The following CSMD1 variants were observed in gnomAD, a reference collection of about 807,000 sequenced individuals.
CSMD1 encodes CUB and Sushi multiple domains 1, also known as CUB and sushi domain-containing protein 1.
CSMD1 carries 213 observed loss-of-function variants against 417.5 expected under a neutral mutation model. That is an observed-to-expected ratio of 0.51 (90% CI 0.46 to 0.57). The LOEUF (loss-of-function observed/expected upper bound fraction) is 0.57, where lower values mean the gene tolerates loss of function less well. Ranked by LOEUF, CSMD1 falls within the 20% of genes least tolerant of loss-of-function variation. The pLI is 0.00. For synonymous variants in CSMD1, 2,862 were observed against 1,736.8 expected (o/e 1.65, Z -16.11); for missense variants, 6,923 against 4,529.7 (o/e 1.53, Z -15.17).
intron 2 of CSMD1, among the ~76,000 whole-genome samples, chr8:4,420,933 C>T (rs1451710910): frequency 6.6e-6 from 1 of 152,198 alleles, no homozygotes; most frequent in African/African-American, 2.4e-5. Flanking sequence ...TTTGGTTTAT[C>T]ACCTTTCTTA....
intron 17 of CSMD1, among the ~76,000 whole-genome samples, chr8:3,390,444 C>A (rs906661806): frequency 1.3e-5 from 2 of 149,200 alleles, no homozygotes; most frequent in African/African-American, 4.9e-5. Flanking sequence ...TAAGACCAGT[C>A]TGTGGACACA....
At chr8:3,298,565 T>A (rs1804143105) in intron 25 of CSMD1, among the ~76,000 whole-genome samples, 1 of 152,190 alleles carries the variant, frequency 6.6e-6, no homozygotes, top group African/African-American at 2.4e-5. Context: ...GCAATTCTTC[T>A]GCCTCAGCCT....
At chr8:4,984,333 C>A (rs1291125534) in intron 1 of CSMD1, among the ~76,000 whole-genome samples, 1 of 152,180 alleles carries the variant, frequency 6.6e-6, no homozygotes, top group African/African-American at 2.4e-5. Context: ...CAAGGCCTAA[C>A]ATAAGTTGCA....
intron 3 of CSMD1, among the ~76,000 whole-genome samples, chr8:4,276,434 T>C (rs530790396): frequency 3.3e-5 from 5 of 152,226 alleles, no homozygotes; most frequent in East Asian, 1.9e-4. Flanking sequence ...TGAGGACTCA[T>C]GGACGCTTGG....
intron 3 of CSMD1, among the ~76,000 whole-genome samples, chr8:4,302,818 C>T (rs768025640): frequency 1.3e-5 from 2 of 152,132 alleles, no homozygotes; most frequent in Non-Finnish European, 2.9e-5. Flanking sequence ...AGTGAAGTCA[C>T]AGGGTCCTAG....
chr8:3,369,523 C>G (rs1016026236), intron 18 of CSMD1, among the ~76,000 whole-genome samples, 153 bp from the exon 19 acceptor site: 1 of 152,170 alleles, frequency 6.6e-6, no homozygotes, highest in African/African-American at 2.4e-5. Flanking sequence ...CTTTATGTTA[C>G]TTGCAAATAT....
At chr8:4,110,648 G>T (rs1801802824) in intron 3 of CSMD1, among the ~76,000 whole-genome samples, 2 of 150,912 alleles carry the variant, frequency 1.3e-5, no homozygotes, top group Non-Finnish European at 3.0e-5. Flanking sequence ...GTGTGTGTGT[G>T]CATGTGTGTG....
At chr8:3,885,075 G>A (rs191050271) in intron 5 of CSMD1, among the ~76,000 whole-genome samples, 510 of 151,992 alleles carry the variant, frequency 3.4e-3, no homozygotes, top group Non-Finnish European at 5.7e-3. Context: ...TGCTTATAAA[G>A]CAAGTAGCTT....
chr8:4,146,991 T>G (rs1714818), intron 3 of CSMD1, among the ~76,000 whole-genome samples: 150,460 of 151,926 alleles, frequency 0.99, 74,516 homozygotes, highest in Middle Eastern at 1. Context: ...CGCCAGCACT[T>G]CCTGTCCATC....
intron 2 of CSMD1, among the ~76,000 whole-genome samples, chr8:4,611,912 C>G (rs967641338): frequency 2.0e-5 from 3 of 152,144 alleles, no homozygotes; most frequent in Non-Finnish European, 4.4e-5. Context: ...GTGACAAATT[C>G]TACATTCCTG....
intron 7 of CSMD1, among the ~76,000 whole-genome samples, chr8:3,681,717 G>C (rs1389901084): frequency 2.6e-5 from 4 of 152,096 alleles, no homozygotes; most frequent in Non-Finnish European, 4.4e-5. Context: ...AACCAAAAAA[G>C]AGCCCGCATT....
chr8:2,962,116 A>G (rs888585717), intron 61 of CSMD1, among the ~76,000 whole-genome samples: 18 of 152,198 alleles, frequency 1.2e-4, no homozygotes, highest in African/African-American at 4.1e-4. Context: ...CAACAGCAAG[A>G]CTGTCTCTCT....
chr8:3,550,606 C>T (rs928186028), intron 10 of CSMD1, among the ~76,000 whole-genome samples: 24 of 152,138 alleles, frequency 1.6e-4, no homozygotes, highest in African/African-American at 4.6e-4. Flanking sequence ...TTTCTCTGAC[C>T]TCATCAGTCT....
At chr8:4,059,813 C>T (rs1328266627) in intron 3 of CSMD1, among the ~76,000 whole-genome samples, 1 of 150,912 alleles carries the variant, frequency 6.6e-6, no homozygotes, top group Non-Finnish European at 1.5e-5. Flanking sequence ...AGCTTACCAA[C>T]CAAAAAGAGT....
intron 3 of CSMD1, among the ~76,000 whole-genome samples, chr8:4,153,135 A>T (rs942872003): frequency 6.6e-6 from 1 of 152,202 alleles, no homozygotes; most frequent in African/African-American, 2.4e-5. Flanking sequence ...GTTGTATTGA[A>T]TACTGAATCT....
intron 10 of CSMD1, among the ~76,000 whole-genome samples, chr8:3,509,893 G>A (rs976629337): frequency 6.6e-6 from 1 of 152,088 alleles, no homozygotes; most frequent in African/African-American, 2.4e-5. Flanking sequence ...GGGAACTCAT[G>A]CCCCAGTGAA....
At chr8:3,418,293 C>CTCAT (rs1263967769) in intron 12 of CSMD1, among the ~76,000 whole-genome samples, 1 of 152,072 alleles carries the variant, frequency 6.6e-6, no homozygotes, top group African/African-American at 2.4e-5. Context: ...GTCTCAGCAG[C>CTCAT]TCATCTCGCT....
At chr8:4,932,068 C>G (rs76798556) in intron 1 of CSMD1, among the ~76,000 whole-genome samples, 1 of 149,620 alleles carries the variant, frequency 6.7e-6, no homozygotes, top group African/African-American at 2.5e-5. Context: ...ATATATTAAA[C>G]AATAGCATGA....
At chr8:4,795,767 C>G (rs1161332230) in intron 1 of CSMD1, among the ~76,000 whole-genome samples, 1 of 152,072 alleles carries the variant, frequency 6.6e-6, no homozygotes, top group East Asian at 1.9e-4. Flanking sequence ...CGTACCTGTG[C>G]ACGCCTTCAG....
Sources: gnomAD v4.1 joint callset for allele counts (sites outside exome capture counted in the v4.1 genomes callset) on GRCh38, gnomAD v4.1.1 for gene constraint, MANE v1.5 for transcripts, NCBI Gene and HGNC (gene_info 2026-07-23, HGNC 2026-07-21) for gene names.